SPRYD7: variants seen among roughly 807,000 people sequenced by gnomAD.
SPRYD7 encodes SPRY domain containing 7.
A neutral mutation model predicts 23.8 loss-of-function variants in SPRYD7; 14 were observed. That is an observed-to-expected ratio of 0.59 (90% CI 0.39 to 0.92). The LOEUF is 0.92. SPRYD7 is among the 40% of genes least tolerant of loss of function. SPRYD7 has a pLI of 0.00. For synonymous variants in SPRYD7, 75 were observed against 84.9 expected, an observed-to-expected ratio of 0.88 and a Z score of 0.64; for missense variants, 194 against 241.7, an observed-to-expected ratio of 0.80 and a Z score of 1.31.
At position 49,934,571 on chromosome 13, in the gene SPRYD7, A is replaced by G. The variant is rs891800644; in HGVS notation, c.106+1559T>C. 9.0e-4 allele frequency among the ~76,000 whole-genome samples: 136 copies of G among 151,590 alleles called. 1 individual carries two copies. Among genetic ancestry groups the G allele is most frequent in the Non-Finnish European group, 1.7e-3 (117 of 67,868 alleles). ...ACTCCGTCTCAAAAAAAAAAAAAAA[A>G]AAAAAAGAAAAGAAGAAGAAAAAAC... On this transcript the variant is annotated intron_variant, in intron 1 of 4. Transcript: ENST00000361840.
chr13:49,921,704 T>C, intron 3 of SPRYD7, 124 bp from the exon 4 acceptor site: 1 of 620,662 alleles, frequency 1.6e-6, no homozygotes, highest in Non-Finnish European at 2.9e-6. Context: ...GGTTGACAAT[T>C]TGGTAGAATC....
chr13:49,931,155 C>T (rs149135015), intron 1 of SPRYD7, 21 bp from the exon 2 acceptor site: 2 of 1,428,292 alleles, frequency 1.4e-6, no homozygotes, highest in Non-Finnish European at 2.0e-6. Flanking sequence ...AATGCAGACA[C>T]TATGTAAAGT....
intron 1 of SPRYD7, among the ~76,000 whole-genome samples, chr13:49,935,916 TGACA>T (rs1871602429): frequency 6.6e-6 from 1 of 151,942 alleles, no homozygotes. Context: ...CCATTCGCGA[TGACA>T]GACACAGAGA....
chr13:49,927,997 A>G lies in SPRYD7; in HGVS notation c.312T>C (p.Asn104=). ...GRDMHSLVMR[N]DGALYHNNEE... ...CATTGTTGTGGTAAAGGGCTCCATC[A>G]TTTCTCATCACCAGACTGTGCATAT... The change falls in exon 3 of 5, where the codon AAT becomes AAC. Residue 104 remains asparagine (N), a synonymous_variant. Transcript: ENST00000361840. The G allele has an allele frequency of 6.2e-7, 1 of 1,614,216 alleles. No individual in the cohort carries two copies. The highest frequency in any genetic ancestry group is 8.5e-7 in the Non-Finnish European group (1 of 1,180,044).
At chr13:49,920,821 C>A (rs888385626) in intron 4 of SPRYD7, among the ~76,000 whole-genome samples, 4 of 151,900 alleles carry the variant, frequency 2.6e-5, no homozygotes, top group East Asian at 3.9e-4. Flanking sequence ...AGTAGCCAGG[C>A]GTGGTGGCAG....
At position 49,918,854 on chromosome 13, in the gene SPRYD7, A is replaced by G. The variant is rs530158588; in HGVS notation, c.493+2624T>C. Among the ~76,000 whole-genome samples the G allele has an allele frequency of 2.8e-3, 426 of 151,660 alleles. 4 individuals are homozygous for G. Among genetic ancestry groups the G allele is most frequent in the African/African-American group, 9.8e-3 (404 of 41,340 alleles). On this transcript the variant is annotated intron_variant, in intron 4 of 4. Coordinates refer to ENST00000361840, the MANE Select transcript of SPRYD7 (RefSeq NM_020456.4). The stretch of plus-strand genomic sequence containing the variant: ...CTCAGCCTCCCATGTAACTGGGATT[A>G]CAGGAGTGCGCTACCACGTCTGGCT...
At position 49,924,994 on chromosome 13, in the gene SPRYD7, AAATAAT is replaced by A. The variant is rs201309392; in HGVS notation, c.390+2919_390+2924del. Reference sequence around the variant, plus strand: ...TCCATCTCAAAAAAAAAAAATAAATAAATAATAATAATAATAATAATAATAATAATA... The same window carrying A: ...TCCATCTCAAAAAAAAAAAATAAATAAATAATAATAATAATAATAATAATA... On this transcript the variant is annotated intron_variant, in intron 3 of 4. Coordinates refer to ENST00000361840, the MANE Select transcript of SPRYD7 (RefSeq NM_020456.4). Among the ~76,000 whole-genome samples, 455 of 135,790 alleles carry A rather than the reference AAATAAT, an allele frequency of 3.4e-3. 1 individual carries two copies. The highest frequency in any genetic ancestry group is 4.8e-3 in the East Asian group (22 of 4,548). 89.1% of individuals were successfully genotyped at this position (135,790 alleles called of 152,430 possible).
At chr13:49,920,756 T>C (rs1191237387) in intron 4 of SPRYD7, among the ~76,000 whole-genome samples, 1 of 151,684 alleles carries the variant, frequency 6.6e-6, no homozygotes, top group East Asian at 1.9e-4. Flanking sequence ...AGGTCAGGAG[T>C]TTAAGACCAG....
At chr13:49,918,753 C>T (rs1054543224) in intron 4 of SPRYD7, among the ~76,000 whole-genome samples, 6 of 151,286 alleles carry the variant, frequency 4.0e-5, no homozygotes, top group South Asian at 2.1e-4. Context: ...CTTGCTCTGT[C>T]GCCCAGGCTG....
chr13:49,930,442 A>G (rs886185787), intron 2 of SPRYD7, among the ~76,000 whole-genome samples: 3 of 152,074 alleles, frequency 2.0e-5, no homozygotes, highest in Non-Finnish European at 4.4e-5. Context: ...TTAGCTGGGC[A>G]TGGTGGTGCA....
At chr13:49,919,685 A>G (rs1955794783) in intron 4 of SPRYD7, among the ~76,000 whole-genome samples, 2 of 150,308 alleles carry the variant, frequency 1.3e-5, no homozygotes, top group South Asian at 4.3e-4. Context: ...CAAGATCACA[A>G]CACTGCACTC....
chr13:49,927,338 T>TA (rs1276591163), intron 3 of SPRYD7, among the ~76,000 whole-genome samples: 2 of 151,352 alleles, frequency 1.3e-5, no homozygotes, highest in African/African-American at 2.4e-5. Context: ...CTACTAAAAA[T>TA]AAAAAAAATC....
chr13:49,916,197 C>T (rs1955749510), intron 4 of SPRYD7, among the ~76,000 whole-genome samples: 1 of 152,068 alleles, frequency 6.6e-6, no homozygotes. Flanking sequence ...GATTACTCCC[C>T]CTGGGTGAGG....
chr13:49,925,540 G>A lies in SPRYD7; in HGVS notation c.390+2379C>T, dbSNP rs565418148. Among the ~76,000 whole-genome samples the A allele has an allele frequency of 7.9e-5, 12 of 152,212 alleles. No individual in the cohort carries two copies. The South Asian group carries it at 1.2e-3, about 16-fold the overall frequency. ...TATAAGGAGAAAGTAGGCCGGGCAC[G>A]GTGGCTCACGCCTGTAATCCCAGCA... is the stretch of plus-strand genomic sequence containing the variant. On this transcript the variant is annotated intron_variant, in intron 3 of 4. Transcript: ENST00000361840.
Position 49,931,005 on chromosome 13 carries a change from C to G in SPRYD7, c.223+13G>C. 1 of 1,528,412 alleles carries G rather than the reference C, an allele frequency of 6.5e-7. No individual in the cohort carries two copies. The highest frequency in any genetic ancestry group is 9.0e-7 in the Non-Finnish European group (1 of 1,108,132). The allele number at this position is 1,528,412 out of a possible 1,614,324, so 94.7% of individuals were successfully genotyped here. A position where few individuals can be genotyped will look rare whatever the true frequency, so the allele number is the denominator to read the frequency against. ...AATTAGGACTTTTAATAGTAAAGTA[C>G]CATTATACCAACCTGTGGACTGGAT... On this transcript the variant is annotated intron_variant, in intron 2 of 4. Coordinates refer to ENST00000361840, the MANE Select transcript of SPRYD7 (RefSeq NM_020456.4).
chr13:49,927,816 G>C, intron 3 of SPRYD7, 103 bp downstream of exon 3: 1 of 1,262,236 alleles, frequency 7.9e-7, no homozygotes, highest in South Asian at 1.4e-5. Context: ...CAATCCCACT[G>C]CTTTGGAATT....
chr13:49,936,080 C>T (rs770523394), intron 1 of SPRYD7, 50 bp downstream of exon 1: 4 of 1,431,598 alleles, frequency 2.8e-6, no homozygotes, highest in Middle Eastern at 4.8e-4. Flanking sequence ...CCCTGCCCGC[C>T]GCGCCCGGCC....
chr13:49,930,339 T>TG (rs1202384278), intron 2 of SPRYD7, among the ~76,000 whole-genome samples: 1 of 151,348 alleles, frequency 6.6e-6, no homozygotes, highest in Non-Finnish European at 1.5e-5. Context: ...CCCAACACTT[T>TG]GGGAGGCCGA....
At chr13:49,916,183 T>C (rs1955749402) in intron 4 of SPRYD7, among the ~76,000 whole-genome samples, 1 of 151,978 alleles carries the variant, frequency 6.6e-6, no homozygotes, top group African/African-American at 2.4e-5. Flanking sequence ...TGCCACCCAA[T>C]AGTGATTACT....
Sources: gnomAD v4.1 joint callset for allele counts (sites outside exome capture counted in the v4.1 genomes callset) on GRCh38, gnomAD v4.1.1 for gene constraint, MANE v1.5 for transcripts, NCBI Gene and HGNC (gene_info 2026-07-23, HGNC 2026-07-21) for gene names.